The following RFX8 variants were observed in gnomAD, a reference collection of about 807,000 sequenced individuals.
RFX8 encodes regulatory factor X8, also known as DNA-binding protein RFX8.
A neutral mutation model predicts 54.6 loss-of-function variants in RFX8; 46 were observed. That is an observed-to-expected ratio of 0.84 (90% CI 0.67 to 1.08). The LOEUF is 1.08. RFX8 is among the 50% of genes least tolerant of loss of function. The pLI is 0.00. For synonymous variants in RFX8, 192 were observed against 209.5 expected, an observed-to-expected ratio of 0.92 and a Z score of 0.72; for missense variants, 536 against 562.3, an observed-to-expected ratio of 0.95 and a Z score of 0.47.
chr2:101,419,410 C>T (rs919331501), intron 4 of RFX8, among the ~76,000 whole-genome samples: 2 of 152,216 alleles, frequency 1.3e-5, no homozygotes, highest in Non-Finnish European at 2.9e-5. Context: ...AGTTAGAAGT[C>T]ACCTAACGAC....
At chr2:101,458,140 C>A (rs538717936) in intron 2 of RFX8, among the ~76,000 whole-genome samples, 1 of 152,284 alleles carries the variant, frequency 6.6e-6, no homozygotes, top group South Asian at 2.1e-4. Flanking sequence ...ATACAGCACA[C>A]TGATGGGCCA....
At chr2:101,471,310 G>A (rs1689974757) in intron 1 of RFX8, among the ~76,000 whole-genome samples, 1 of 151,922 alleles carries the variant, frequency 6.6e-6, no homozygotes, top group East Asian at 2.0e-4. Context: ...CTCCAGGCTG[G>A]GAGACAAAGC....
chr2:101,456,624 T>C (rs552036986), intron 2 of RFX8, among the ~76,000 whole-genome samples: 38 of 152,378 alleles, frequency 2.5e-4, no homozygotes, highest in African/African-American at 7.9e-4. Context: ...CAGTATTTTA[T>C]TGAGGATTTT....
At chr2:101,465,620 G>A (rs775905769) in intron 2 of RFX8, among the ~76,000 whole-genome samples, 2 of 152,102 alleles carry the variant, frequency 1.3e-5, no homozygotes, top group Non-Finnish European at 2.9e-5. Flanking sequence ...ATTACATGAT[G>A]ATAACAGTAT....
At chr2:101,442,797 C>T (rs1688168097) in intron 2 of RFX8, among the ~76,000 whole-genome samples, 1 of 152,070 alleles carries the variant, frequency 6.6e-6, no homozygotes, top group Non-Finnish European at 1.5e-5. Context: ...AGAAGGGTTT[C>T]CCCAGGCTAG....
At chr2:101,443,938 C>A (rs1688235490) in intron 2 of RFX8, among the ~76,000 whole-genome samples, 1 of 152,086 alleles carries the variant, frequency 6.6e-6, no homozygotes, top group African/African-American at 2.4e-5. Context: ...TACACCCACA[C>A]CCAGAGCACT....
chr2:101,444,162 C>T (rs976121179), intron 2 of RFX8, among the ~76,000 whole-genome samples: 9 of 152,146 alleles, frequency 5.9e-5, no homozygotes, highest in African/African-American at 2.2e-4. Context: ...ATAAGGAGAC[C>T]CAGGCCCAGA....
chr2:101,466,701 G>T, intron 2 of RFX8, 76 bp downstream of exon 2: 1 of 1,045,160 alleles, frequency 9.6e-7, no homozygotes, highest in Non-Finnish European at 1.5e-6. Flanking sequence ...CAAATACATT[G>T]CAACATTTCC....
At chr2:101,439,521 C>T (rs569258252) in intron 2 of RFX8, among the ~76,000 whole-genome samples, 2 of 150,946 alleles carry the variant, frequency 1.3e-5, no homozygotes, top group Non-Finnish European at 2.9e-5. Flanking sequence ...TTTAAGTCTA[C>T]GATCCATTTT....
At position 101,474,660 on chromosome 2, in the gene RFX8, T is replaced by C. The variant is rs1388987115; in HGVS notation, c.-77A>G. 1 of 174,002 alleles carries C rather than the reference T, an allele frequency of 5.7e-6. No individual in the cohort carries two copies. Among genetic ancestry groups the C allele is most frequent in the African/African-American group, 2.4e-5 (1 of 42,348 alleles). The allele number at this position is 174,002 out of a possible 1,614,324, so 10.8% of individuals were successfully genotyped here. A position where few individuals can be genotyped will look rare whatever the true frequency, so the allele number is the denominator to read the frequency against. ...CACCTTTTCCAATCTGGTCGCGGTG[T>C]TGAGTCCGTGGGTGTCCTTGACTTG... is the stretch of plus-strand genomic sequence containing the variant. On this transcript the variant is annotated 5_prime_UTR_variant, in exon 1 of 12. Coordinates refer to ENST00000428343, the MANE Select transcript of RFX8 (RefSeq NM_001145664.2).
At chr2:101,440,247 T>A (rs1412743960) in intron 2 of RFX8, among the ~76,000 whole-genome samples, 1 of 152,216 alleles carries the variant, frequency 6.6e-6, no homozygotes, top group Non-Finnish European at 1.5e-5. Context: ...GGCCTGAGAC[T>A]GCTCTCGTAG....
At chr2:101,449,307 G>A (rs1243628544) in intron 2 of RFX8, among the ~76,000 whole-genome samples, 1 of 152,186 alleles carries the variant, frequency 6.6e-6, no homozygotes, top group Non-Finnish European at 1.5e-5. Context: ...CAAAGCAAAT[G>A]TAGAATTTTA....
intron 2 of RFX8, among the ~76,000 whole-genome samples, chr2:101,442,053 T>C (rs919130167): frequency 6.6e-6 from 1 of 152,250 alleles, no homozygotes; most frequent in African/African-American, 2.4e-5. Flanking sequence ...TGTAGTATTT[T>C]TGAGTACATC....
chr2:101,431,649 C>T (rs1424308696), intron 2 of RFX8, among the ~76,000 whole-genome samples: 1 of 152,214 alleles, frequency 6.6e-6, no homozygotes, highest in African/African-American at 2.4e-5. Context: ...CTTTATCACT[C>T]ATCCCTCTCC....
chr2:101,447,599 T>C (rs1042923023), intron 2 of RFX8, among the ~76,000 whole-genome samples: 9 of 152,232 alleles, frequency 5.9e-5, no homozygotes, highest in African/African-American at 2.2e-4. Context: ...TTATTATTTC[T>C]TTGTGTTGGG....
At position 101,458,114 on chromosome 2, in the gene RFX8, G is replaced by A. The variant is rs1689082648; in HGVS notation, c.72+8663C>T. 1.3e-5 allele frequency among the ~76,000 whole-genome samples: 2 copies of A among 152,140 alleles called. 1 individual carries two copies. Among genetic ancestry groups the A allele is most frequent in the South Asian group, 4.1e-4 (2 of 4,826 alleles). Reference sequence around the variant, plus strand: ...TGAGCCTACCTGTGTCTCTGCACATGAGATGGGTCTCCTGAATACAGCACA... The same window carrying A: ...TGAGCCTACCTGTGTCTCTGCACATAAGATGGGTCTCCTGAATACAGCACA... On this transcript the variant is annotated intron_variant, in intron 2 of 11. Coordinates refer to ENST00000428343, the MANE Select transcript of RFX8 (RefSeq NM_001145664.2).
chr2:101,418,867 T>A lies in RFX8; in HGVS notation c.335A>T (p.Asp112Val). 1 of 1,549,476 alleles carries A rather than the reference T, an allele frequency of 6.5e-7. No homozygotes were observed. The highest frequency in any genetic ancestry group is 8.7e-7 in the Non-Finnish European group (1 of 1,144,896). ...PDVCQLFKCYDVQLYKGIEDV... is the reference protein window; with the variant it reads ...PDVCQLFKCYVVQLYKGIEDV... ...TCCTCCTACCTTGTACAGCTGGACGTCGTAGCATTTAAAGAGCTGGCACAC... is the reference window on the plus strand; with the variant it reads ...TCCTCCTACCTTGTACAGCTGGACGACGTAGCATTTAAAGAGCTGGCACAC... Residue 112 changes from aspartate (D) to valine (V), a missense_variant, in exon 5 of 12, where the codon GAC becomes GTC. Transcript: ENST00000428343.
chr2:101,419,785 G>A (rs1042647502), intron 4 of RFX8, among the ~76,000 whole-genome samples: 2 of 152,328 alleles, frequency 1.3e-5, no homozygotes, highest in East Asian at 1.9e-4. Context: ...TTAAAATCCC[G>A]TTATCAGGGC....
chr2:101,425,149 C>T (rs1172282455), intron 2 of RFX8, among the ~76,000 whole-genome samples: 1 of 152,160 alleles, frequency 6.6e-6, no homozygotes, highest in East Asian at 1.9e-4. Context: ...ATCATAGGCG[C>T]TCTGTTAGAG....
Sources: gnomAD v4.1 joint callset for allele counts (sites outside exome capture counted in the v4.1 genomes callset) on GRCh38, gnomAD v4.1.1 for gene constraint, MANE v1.5 for transcripts, NCBI Gene and HGNC (gene_info 2026-07-23, HGNC 2026-07-21) for gene names.